SH3GL3: variants seen among roughly 807,000 people sequenced by gnomAD.
The protein encoded by SH3GL3 is endophilin-A3.
Under a neutral mutation model 47.7 loss-of-function variants are expected in SH3GL3, and 33 were observed. That is an observed-to-expected ratio of 0.69 (90% CI 0.52 to 0.92). The LOEUF is 0.92. Ranked by LOEUF, SH3GL3 falls within the 40% of genes least tolerant of loss-of-function variation. The pLI is 0.00. For synonymous variants in SH3GL3, 155 were observed against 148.8 expected (o/e 1.04, Z -0.30); for missense variants, 363 against 417.8 (o/e 0.87, Z 1.14).
chr15:83,632,900 A>G, the SH3GL3 span, among the ~76,000 whole-genome samples: 2 of 152,234 alleles, frequency 1.3e-5, no homozygotes, highest in Non-Finnish European at 2.9e-5. Context: ...ATTTGGAGAG[A>G]CACGCCACAA....
chr15:83,510,576 A>G (rs1379464162), intron 1 of SH3GL3, among the ~76,000 whole-genome samples: 1 of 152,184 alleles, frequency 6.6e-6, no homozygotes, highest in East Asian at 1.9e-4. Flanking sequence ...CCCTTGTCCC[A>G]CATAAGATTT....
At chr15:83,460,048 CCCTCCCTG>C (rs546421103) in intron 1 of SH3GL3, among the ~76,000 whole-genome samples, 2,287 of 50,522 alleles carry the variant, frequency 0.045, 63 homozygotes, top group East Asian at 0.15. Context: ...CTCCCTCCCT[CCCTCCCTG>C]CCTCCCTCCC....
chr15:83,588,779 G>T lies in SH3GL3; in HGVS notation c.838+8G>T. On this transcript the variant is annotated splice_region_variant and intron_variant, in intron 8 of 8. Transcript: ENST00000427482. The stretch of plus-strand genomic sequence containing the variant: ...CTGTAGTGAAGACGACAGGTAAGTT[G>T]ACCATTCTAATATGCTAAGTGTGCC... 1 of 1,438,276 alleles carries T rather than the reference G, an allele frequency of 7.0e-7. No individual in the cohort carries two copies. Among genetic ancestry groups the T allele is most frequent in the South Asian group, 1.1e-5 (1 of 87,312 alleles). The allele number at this position is 1,438,276 out of a possible 1,614,324, so 89.1% of individuals were successfully genotyped here. A position where few individuals can be genotyped will look rare whatever the true frequency, so the allele number is the denominator to read the frequency against.
At chr15:83,477,062 C>A (rs1193661855) in intron 1 of SH3GL3, among the ~76,000 whole-genome samples, 1 of 152,164 alleles carries the variant, frequency 6.6e-6, no homozygotes, top group African/African-American at 2.4e-5. Flanking sequence ...TCTGCTAATG[C>A]CTTACTTGGC....
chr15:83,533,909 ACGT>A (rs1203053928), intron 1 of SH3GL3, among the ~76,000 whole-genome samples: 1 of 152,122 alleles, frequency 6.6e-6, no homozygotes, highest in Non-Finnish European at 1.5e-5. Flanking sequence ...CATGCAATGT[ACGT>A]TTTTATTTCT....
intron 8 of SH3GL3, among the ~76,000 whole-genome samples, chr15:83,591,062 G>A (rs1017925305): frequency 6.6e-6 from 1 of 151,988 alleles, no homozygotes; most frequent in African/African-American, 2.4e-5. Context: ...GGCTGGAGTA[G>A]AGTGGTGCAA....
chr15:83,532,144 G>A (rs144332907), intron 1 of SH3GL3, among the ~76,000 whole-genome samples: 487 of 152,296 alleles, frequency 3.2e-3, no homozygotes, highest in Middle Eastern at 0.024. Context: ...TGAGAGAAGG[G>A]AAGATAGGCA....
intron 1 of SH3GL3, among the ~76,000 whole-genome samples, chr15:83,550,975 T>A (rs1308102830): frequency 6.6e-6 from 1 of 152,164 alleles, no homozygotes; most frequent in African/African-American, 2.4e-5. Context: ...ATTTCTTGCT[T>A]CATGAAAGGG....
Position 83,531,427 on chromosome 15 carries a change from C to A in SH3GL3, c.46-27826C>A, listed in dbSNP as rs368453814. On this transcript the variant is annotated intron_variant, in intron 1 of 8. Coordinates refer to ENST00000427482, the MANE Select transcript of SH3GL3 (RefSeq NM_003027.5). ...AAAAACTTCCAGGCAATGGGAACAG[C>A]ATATAAAACGGCAGAAAGGAACAGG... 5.9e-5 allele frequency among the ~76,000 whole-genome samples: 9 copies of A among 152,218 alleles called. 1 individual carries two copies. In the South Asian group the frequency reaches 1.9e-3, roughly 32 times the overall value.
intron 1 of SH3GL3, among the ~76,000 whole-genome samples, chr15:83,501,507 A>T (rs1567277581): frequency 6.6e-6 from 1 of 152,214 alleles, no homozygotes; most frequent in Non-Finnish European, 1.5e-5. Context: ...AGGAACAGAC[A>T]CTGAAAGGTC....
intron 1 of SH3GL3, among the ~76,000 whole-genome samples, chr15:83,465,946 T>C (rs1194039242): frequency 1.3e-5 from 2 of 152,174 alleles, no homozygotes. Context: ...ACAACTAGGA[T>C]GTTTATGTTG....
intron 3 of SH3GL3, 134 bp downstream of exon 3, chr15:83,565,340 A>T: frequency 1.5e-6 from 1 of 673,348 alleles, no homozygotes; most frequent in Non-Finnish European, 2.7e-6. Flanking sequence ...TTTAAAGCTG[A>T]GTCTCCAGTG....
intron 1 of SH3GL3, among the ~76,000 whole-genome samples, chr15:83,552,937 T>C (rs1375011022): frequency 6.6e-6 from 1 of 152,172 alleles, no homozygotes; most frequent in East Asian, 1.9e-4. Flanking sequence ...TATTATTACA[T>C]TGAGTCTCTA....
At chr15:83,473,855 CT>C (rs369520024) in intron 1 of SH3GL3, among the ~76,000 whole-genome samples, 2,130 of 139,082 alleles carry the variant, frequency 0.015, 28 homozygotes, top group Non-Finnish European at 0.019. Context: ...CCTGTTGGGG[CT>C]TTTTTTTTTT....
At chr15:83,592,530 G>C (rs1472803353) in intron 8 of SH3GL3, among the ~76,000 whole-genome samples, 2 of 152,150 alleles carry the variant, frequency 1.3e-5, no homozygotes, top group African/African-American at 4.8e-5. Context: ...CTATAATCTT[G>C]ATTTAAAGTT....
chr15:83,591,841 G>A (rs945906607), intron 8 of SH3GL3, among the ~76,000 whole-genome samples: 1 of 151,988 alleles, frequency 6.6e-6, no homozygotes, highest in Non-Finnish European at 1.5e-5. Flanking sequence ...GCCCGATACC[G>A]TGCCTGGCTA....
At chr15:83,570,109 G>A (rs1315178599) in intron 4 of SH3GL3, among the ~76,000 whole-genome samples, 3 of 152,128 alleles carry the variant, frequency 2.0e-5, no homozygotes, top group African/African-American at 4.8e-5. Flanking sequence ...TGATATAAAC[G>A]TTTATTTATA....
intron 1 of SH3GL3, among the ~76,000 whole-genome samples, chr15:83,468,509 T>A (rs2040681211): frequency 6.6e-6 from 1 of 152,230 alleles, no homozygotes; most frequent in African/African-American, 2.4e-5. Context: ...TTTTTGTAGA[T>A]GCTCTTAACC....
At chr15:83,473,609 A>T (rs1340054948) in intron 1 of SH3GL3, among the ~76,000 whole-genome samples, 2 of 150,566 alleles carry the variant, frequency 1.3e-5, no homozygotes, top group Non-Finnish European at 3.0e-5. Flanking sequence ...GTGCAGTGGC[A>T]CGATCTTGGC....
Sources: allele counts gnomAD v4.1 joint callset (sites outside exome capture counted in the v4.1 genomes callset), GRCh38; gene constraint gnomAD v4.1.1; transcripts MANE v1.5; gene names NCBI Gene and HGNC (gene_info 2026-07-23, HGNC 2026-07-21).